The following SRD5A2 variants were observed in gnomAD, a reference collection of about 807,000 sequenced individuals.
SRD5A2 encodes steroid 5 alpha-reductase 2, also known as 3-oxo-5-alpha-steroid 4-dehydrogenase 2.
In SRD5A2, 30 loss-of-function variants were observed where a neutral mutation model predicts 27.4. That is an observed-to-expected ratio of 1.10 (90% CI 0.82 to 1.49). SRD5A2 has a LOEUF of 1.49. SRD5A2 is among the 40% of genes most tolerant of loss of function. The pLI is 0.00. For synonymous variants in SRD5A2, 141 were observed against 133.6 expected (o/e 1.06, Z -0.38); for missense variants, 348 against 323.4 (o/e 1.08, Z -0.58).
chr2:31,574,557 T>C (rs922594093), intron 1 of SRD5A2, among the ~76,000 whole-genome samples: 1 of 152,228 alleles, frequency 6.6e-6, no homozygotes, highest in Admixed American at 6.5e-5. Flanking sequence ...AACATAGCTA[T>C]ATATTTTTCA....
the SRD5A2 span, among the ~76,000 whole-genome samples, chr2:31,628,549 T>G: frequency 6.6e-6 from 1 of 152,186 alleles, no homozygotes; most frequent in Non-Finnish European, 1.5e-5. Context: ...CTTCTTTGTG[T>G]TGTTGCTTTA....
upstream of SRD5A2, chr2:31,581,013 C>G (rs1667072781): frequency 8.3e-7 from 1 of 1,209,452 alleles, no homozygotes; most frequent in Non-Finnish European, 1.1e-6. Context: ...GCCTTGGCTC[C>G]CGCCCCTCCA....
At chr2:31,657,612 A>T in the SRD5A2 span, among the ~76,000 whole-genome samples, 1 of 152,218 alleles carries the variant, frequency 6.6e-6, no homozygotes, top group Non-Finnish European at 1.5e-5. Context: ...CACAACCCGA[A>T]TAATAAAAAA....
At chr2:31,590,460 A>G in the SRD5A2 span, among the ~76,000 whole-genome samples, 1 of 152,126 alleles carries the variant, frequency 6.6e-6, no homozygotes, top group Non-Finnish European at 1.5e-5. Flanking sequence ...GAGTTCACTC[A>G]TGATGGGTAG....
intron 1 of SRD5A2, among the ~76,000 whole-genome samples, chr2:31,539,060 AG>A (rs1483935249): frequency 2.0e-5 from 3 of 152,166 alleles, no homozygotes; most frequent in African/African-American, 7.2e-5. Context: ...TTTTACTTCC[AG>A]GGGGGTGTGA....
At chr2:31,581,191 T>G, upstream of SRD5A2, 1 of 449,370 alleles carries the variant, frequency 2.2e-6, no homozygotes, top group Non-Finnish European at 3.9e-6. Context: ...CCATGACTTG[T>G]TCCTCAACTA....
chr2:31,600,367 G>C, the SRD5A2 span, among the ~76,000 whole-genome samples: 4 of 151,956 alleles, frequency 2.6e-5, no homozygotes, highest in Admixed American at 6.6e-5. Context: ...GAAATTGTCA[G>C]GTCAAATGGT....
the SRD5A2 span, among the ~76,000 whole-genome samples, chr2:31,618,435 C>G: frequency 6.6e-6 from 1 of 151,986 alleles, no homozygotes; most frequent in South Asian, 2.1e-4. Context: ...AAGATTCCAC[C>G]AACACATGAA....
chr2:31,610,123 A>G, the SRD5A2 span, among the ~76,000 whole-genome samples: 1 of 152,166 alleles, frequency 6.6e-6, no homozygotes, highest in East Asian at 1.9e-4. Context: ...TGTTTCTCAA[A>G]TGCTTCCCAA....
intron 1 of SRD5A2, among the ~76,000 whole-genome samples, chr2:31,561,069 C>A (rs1013048043): frequency 3.2e-4 from 49 of 152,262 alleles, no homozygotes; most frequent in African/African-American, 1.2e-3. Context: ...AAATGCCTCC[C>A]TGGGGAAAGC....
the SRD5A2 span, among the ~76,000 whole-genome samples, chr2:31,640,255 T>C: frequency 6.6e-6 from 1 of 152,148 alleles, no homozygotes; most frequent in Non-Finnish European, 1.5e-5. Flanking sequence ...TTTTCTGTGT[T>C]ATCTTAAAGA....
At chr2:31,621,337 T>A in the SRD5A2 span, among the ~76,000 whole-genome samples, 1 of 152,120 alleles carries the variant, frequency 6.6e-6, no homozygotes, top group Admixed American at 6.6e-5. Flanking sequence ...TGTTGTCGTT[T>A]CAGTAAGATT....
upstream of SRD5A2, among the ~76,000 whole-genome samples, chr2:31,583,437 G>T (rs542467574): frequency 9.6e-4 from 146 of 152,064 alleles, no homozygotes; most frequent in Non-Finnish European, 1.7e-3. Flanking sequence ...GTAGAAAATT[G>T]GAACCAATAA....
the SRD5A2 span, among the ~76,000 whole-genome samples, chr2:31,597,886 C>A: frequency 6.6e-6 from 1 of 152,136 alleles, no homozygotes; most frequent in African/African-American, 2.4e-5. Flanking sequence ...CTGTGGAAAG[C>A]AGTATGGAGA....
chr2:31,585,149 A>G (rs1667153998), upstream of SRD5A2, among the ~76,000 whole-genome samples: 1 of 152,200 alleles, frequency 6.6e-6, no homozygotes, highest in African/African-American at 2.4e-5. Flanking sequence ...AGCAGTCAGA[A>G]TTTCAGTTCC....
At chr2:31,559,576 T>C (rs1666572899) in intron 1 of SRD5A2, among the ~76,000 whole-genome samples, 1 of 151,966 alleles carries the variant, frequency 6.6e-6, no homozygotes, top group African/African-American at 2.4e-5. Context: ...TCTTCCCAAA[T>C]TGCTCTTAAA....
upstream of SRD5A2, among the ~76,000 whole-genome samples, chr2:31,583,640 C>CAAAAAAAAAAA (rs1246469141): frequency 9.8e-4 from 18 of 18,416 alleles, no homozygotes; most frequent in African/African-American, 1.8e-3. Flanking sequence ...AAAAAAAAAG[C>CAAAAAAAAAAA]AAAAAAAAAA....
At chr2:31,619,615 C>G in the SRD5A2 span, among the ~76,000 whole-genome samples, 2 of 151,950 alleles carry the variant, frequency 1.3e-5, no homozygotes, top group Non-Finnish European at 2.9e-5. Flanking sequence ...TTTTTTGTGA[C>G]TTTTTAGTAA....
chr2:31,601,492 G>A, the SRD5A2 span, among the ~76,000 whole-genome samples: 1,582 of 152,164 alleles, frequency 0.01, 13 homozygotes, highest in Middle Eastern at 0.017. Flanking sequence ...GAGGTACAAG[G>A]AAGACCTGGT....
Sources: allele counts gnomAD v4.1 joint callset (sites outside exome capture counted in the v4.1 genomes callset), GRCh38; gene constraint gnomAD v4.1.1; transcripts MANE v1.5; gene names NCBI Gene and HGNC (gene_info 2026-07-23, HGNC 2026-07-21).